Variants in PARN observed in about 807,000 individuals in gnomAD.
The protein encoded by PARN is poly(A)-specific ribonuclease PARN.
Under a neutral mutation model 102.8 loss-of-function variants are expected in PARN, and 71 were observed. That is an observed-to-expected ratio of 0.69 (90% CI 0.57 to 0.84). The LOEUF is 0.84. Among genes scored for constraint, PARN ranks in the 40% least tolerant of loss-of-function variants. The pLI is 0.00. For missense variants in PARN, 782 were observed against 760.9 expected (o/e 1.03, Z -0.33); for synonymous variants, 261 against 252.9 (o/e 1.03, Z -0.30).
intron 18 of PARN, among the ~76,000 whole-genome samples, chr16:14,568,362 G>A (rs193035091): frequency 2.0e-5 from 3 of 150,690 alleles, no homozygotes; most frequent in Admixed American, 6.6e-5. Context: ...ACAGGTACCC[G>A]CCACCATGCC....
At chr16:14,500,520 A>G (rs1012313765) in intron 21 of PARN, among the ~76,000 whole-genome samples, 1 of 152,078 alleles carries the variant, frequency 6.6e-6, no homozygotes, top group Non-Finnish European at 1.5e-5. Flanking sequence ...AACCCTCCCG[A>G]GCAGCCAGGG....
intron 23 of PARN, among the ~76,000 whole-genome samples, chr16:14,444,192 T>C (rs1961086863): frequency 6.6e-6 from 1 of 152,294 alleles, no homozygotes; most frequent in African/African-American, 2.4e-5. Flanking sequence ...AAAGGATCCA[T>C]TAAGTTTCCA....
At chr16:14,442,016 A>G (rs1357084448) in intron 23 of PARN, among the ~76,000 whole-genome samples, 1 of 152,210 alleles carries the variant, frequency 6.6e-6, no homozygotes, top group Non-Finnish European at 1.5e-5. Context: ...TTAGGGGAAA[A>G]AAGACTTTGA....
At chr16:14,512,241 CCTGTAAT>C (rs1338511863) in intron 21 of PARN, among the ~76,000 whole-genome samples, 1 of 152,162 alleles carries the variant, frequency 6.6e-6, no homozygotes, top group African/African-American at 2.4e-5. Flanking sequence ...GTAGTTCACG[CCTGTAAT>C]CCCAACATTT....
rs942301578 is a variant in PARN at position 14,598,183 on chromosome 16, C to T, written c.840+1721G>A. Reference sequence around the variant, plus strand: ...ATATATATTTAAGGTATGGGATTTACGCATCTTATTTTACTTTAGTCAACT... The same window carrying T: ...ATATATATTTAAGGTATGGGATTTATGCATCTTATTTTACTTTAGTCAACT... On this transcript the variant is annotated intron_variant, in intron 12 of 23. Transcript: ENST00000437198. 4.0e-5 allele frequency among the ~76,000 whole-genome samples: 6 copies of T among 151,836 alleles called. No homozygotes were observed. The East Asian group carries it at 7.7e-4, about 20-fold the overall frequency.
Position 14,533,247 on chromosome 16 carries a change from A to T in PARN, c.1480+18774T>A, listed in dbSNP as rs369550574. Among the ~76,000 whole-genome samples, 4 of 152,228 alleles carry T rather than the reference A, an allele frequency of 2.6e-5. No individual in the cohort carries two copies. In the East Asian group the frequency reaches 5.8e-4, roughly 22 times the overall value. ...AGCGAAACCCCGTCTCCACCAAAAA[A>T]ATATGAAAACCAGTCAGGCGTGGCG... is the stretch of plus-strand genomic sequence containing the variant. On this transcript the variant is annotated intron_variant, in intron 21 of 23. Coordinates refer to ENST00000437198, the MANE Select transcript of PARN (RefSeq NM_002582.4).
intron 23 of PARN, among the ~76,000 whole-genome samples, chr16:14,445,337 CCA>C (rs1301155848): frequency 6.6e-6 from 1 of 152,162 alleles, no homozygotes; most frequent in African/African-American, 2.4e-5. Flanking sequence ...AGAAAACTCC[CCA>C]CAGTCAGATC....
At position 14,529,647 on chromosome 16, in the gene PARN, T is replaced by C. The variant is rs138225394; in HGVS notation, c.1480+22374A>G. On this transcript the variant is annotated intron_variant, in intron 21 of 23. Coordinates refer to ENST00000437198, the MANE Select transcript of PARN (RefSeq NM_002582.4). ...TCTCTGCTGTTCACAAAGTCCAAATTTGATGGCCAGCAATAAAGTATCAGA... is the reference window on the plus strand; with the variant it reads ...TCTCTGCTGTTCACAAAGTCCAAATCTGATGGCCAGCAATAAAGTATCAGA... 2.6e-5 allele frequency among the ~76,000 whole-genome samples: 4 copies of C among 152,230 alleles called. No homozygotes were observed. The East Asian group carries it at 7.7e-4, about 29-fold the overall frequency.
intron 21 of PARN, among the ~76,000 whole-genome samples, chr16:14,508,853 AGTT>A (rs1159667369): frequency 6.6e-6 from 1 of 151,628 alleles, no homozygotes; most frequent in East Asian, 1.9e-4. Context: ...TGAGGCCAGG[AGTT>A]CAAGACTAGC....
At chr16:14,525,961 G>A (rs538982718) in intron 21 of PARN, among the ~76,000 whole-genome samples, 1 of 152,074 alleles carries the variant, frequency 6.6e-6, no homozygotes, top group Non-Finnish European at 1.5e-5. Flanking sequence ...TAGGATTACA[G>A]GTGTGCACCA....
chr16:14,451,843 T>TAAAAAAAAAAAAAAAAA (rs1184998225), intron 22 of PARN, among the ~76,000 whole-genome samples: 3 of 54,618 alleles, frequency 5.5e-5, no homozygotes, highest in Non-Finnish European at 1.1e-4. Flanking sequence ...ACCCCGTCTC[T>TAAAAAAAAAAAAAAAAA]AAAAAAAAAA....
At chr16:14,492,141 T>G (rs949692977) in intron 21 of PARN, among the ~76,000 whole-genome samples, 1 of 152,156 alleles carries the variant, frequency 6.6e-6, no homozygotes, top group African/African-American at 2.4e-5. Flanking sequence ...AAAGGCTAAT[T>G]ATGTTTTTTA....
intron 22 of PARN, among the ~76,000 whole-genome samples, chr16:14,453,218 G>A (rs1167000749): frequency 6.6e-6 from 1 of 152,198 alleles, no homozygotes; most frequent in Admixed American, 6.5e-5. Context: ...ACACAACTTG[G>A]TATGTTAAAA....
intron 5 of PARN, among the ~76,000 whole-genome samples, chr16:14,622,581 T>C (rs1972380198): frequency 6.6e-6 from 1 of 152,244 alleles, no homozygotes; most frequent in Admixed American, 6.5e-5. Flanking sequence ...CTTGGCTCAG[T>C]GCAAGCTCTG....
chr16:14,465,440 C>T (rs1337729999), intron 22 of PARN, among the ~76,000 whole-genome samples: 1 of 152,110 alleles, frequency 6.6e-6, no homozygotes, highest in Non-Finnish European at 1.5e-5. Flanking sequence ...AGAAATATAA[C>T]AATGTTGCAT....
At chr16:14,460,722 TTTTA>T (rs1436265722) in intron 22 of PARN, among the ~76,000 whole-genome samples, 1 of 152,156 alleles carries the variant, frequency 6.6e-6, no homozygotes, top group Non-Finnish European at 1.5e-5. Context: ...AATTAAAGTG[TTTTA>T]TTTCTTTGTA....
At chr16:14,573,985 A>G (rs1797642337) in intron 18 of PARN, among the ~76,000 whole-genome samples, 1 of 152,242 alleles carries the variant, frequency 6.6e-6, no homozygotes, top group Non-Finnish European at 1.5e-5. Flanking sequence ...GCTATCAAAA[A>G]ATGTGAAAGT....
At chr16:14,526,082 T>A (rs990607532) in intron 21 of PARN, among the ~76,000 whole-genome samples, 2 of 151,870 alleles carry the variant, frequency 1.3e-5, no homozygotes, top group African/African-American at 4.8e-5. Flanking sequence ...CCTCCCAAAG[T>A]GCTGGGATTA....
At chr16:14,531,687 T>C (rs888150212) in intron 21 of PARN, among the ~76,000 whole-genome samples, 4 of 152,186 alleles carry the variant, frequency 2.6e-5, no homozygotes, top group African/African-American at 7.2e-5. Flanking sequence ...TACCATGCCA[T>C]CCTACACACA....
Sources: allele counts gnomAD v4.1 joint callset (sites outside exome capture counted in the v4.1 genomes callset), GRCh38; gene constraint gnomAD v4.1.1; transcripts MANE v1.5; gene names NCBI Gene and HGNC (gene_info 2026-07-23, HGNC 2026-07-21).